The following CTNNA3 variants were observed in gnomAD, a reference collection of about 807,000 sequenced individuals.
The protein encoded by CTNNA3 is catenin alpha-3.
In CTNNA3, 76 loss-of-function variants were observed where a neutral mutation model predicts 95.7. That is an observed-to-expected ratio of 0.79 (90% CI 0.66 to 0.96). CTNNA3 has a LOEUF of 0.96. Ranked by LOEUF, CTNNA3 falls within the 40% of genes least tolerant of loss-of-function variation. The pLI, the probability that CTNNA3 is intolerant of heterozygous loss-of-function variation, is 0.00. For synonymous variants in CTNNA3, 431 were observed against 374.4 expected (o/e 1.15, Z -1.74); for missense variants, 1,191 against 1,089.8 (o/e 1.09, Z -1.31).
chr10:66,425,269 A>C, intron 11 of CTNNA3, among the ~76,000 whole-genome samples: 1 of 149,990 alleles, frequency 6.7e-6, no homozygotes, highest in Non-Finnish European at 1.5e-5. Context: ...TTTTTAATCT[A>C]ATATAATACA....
intron 9 of CTNNA3, among the ~76,000 whole-genome samples, chr10:66,760,832 C>T (rs1839571642): frequency 6.6e-6 from 1 of 152,060 alleles, no homozygotes; most frequent in African/African-American, 2.4e-5. Context: ...AGTGGGCAGT[C>T]ACACCGGTGT....
At chr10:66,450,410 T>C (rs1373594467) in intron 11 of CTNNA3, among the ~76,000 whole-genome samples, 1 of 152,124 alleles carries the variant, frequency 6.6e-6, no homozygotes, top group African/African-American at 2.4e-5. Flanking sequence ...TTGTATAATA[T>C]AGTAAGGCTT....
At chr10:66,808,634 G>A (rs185249073) in intron 7 of CTNNA3, among the ~76,000 whole-genome samples, 1 of 152,270 alleles carries the variant, frequency 6.6e-6, no homozygotes, top group East Asian at 1.9e-4. Flanking sequence ...GTTTTAAATT[G>A]TGTGATGATA....
chr10:66,996,509 G>T (rs992742513), intron 7 of CTNNA3, among the ~76,000 whole-genome samples: 4 of 151,890 alleles, frequency 2.6e-5, no homozygotes, highest in Admixed American at 6.6e-5. Context: ...CTAGCCGGGC[G>T]TGGTGGCGCG....
intron 11 of CTNNA3, among the ~76,000 whole-genome samples, chr10:66,398,769 T>C (rs564163884): frequency 2.0e-4 from 31 of 152,126 alleles, no homozygotes; most frequent in African/African-American, 7.2e-4. Flanking sequence ...CTTTTAAAAA[T>C]GCAAAGAGTG....
intron 7 of CTNNA3, among the ~76,000 whole-genome samples, chr10:67,058,333 A>T (rs73332898): frequency 0.13 from 20,401 of 152,144 alleles, 2,051 homozygotes; most frequent in African/African-American, 0.28. Context: ...TTGTCAGATA[A>T]CATATTGTTT....
intron 9 of CTNNA3, among the ~76,000 whole-genome samples, chr10:66,693,244 C>T (rs1164995420): frequency 2.0e-5 from 3 of 151,372 alleles, no homozygotes; most frequent in Non-Finnish European, 4.4e-5. Context: ...CACATAGGCT[C>T]AAAATAAAAG....
intron 13 of CTNNA3, among the ~76,000 whole-genome samples, chr10:66,119,252 G>A (rs2082468580): frequency 6.6e-6 from 1 of 152,078 alleles, no homozygotes; most frequent in Admixed American, 6.6e-5. Flanking sequence ...CCCAAGTTCT[G>A]TGTACTGTTT....
intron 11 of CTNNA3, among the ~76,000 whole-genome samples, chr10:66,466,657 G>A (rs564209775): frequency 6.6e-6 from 1 of 152,098 alleles, no homozygotes; most frequent in South Asian, 2.1e-4. Context: ...TCATTTCACT[G>A]AGGTCTCTGT....
At chr10:66,885,351 G>C (rs937206105) in intron 7 of CTNNA3, among the ~76,000 whole-genome samples, 1 of 152,126 alleles carries the variant, frequency 6.6e-6, no homozygotes, top group Non-Finnish European at 1.5e-5. Context: ...GTGAGGCTAA[G>C]AGTTATATGT....
chr10:66,900,015 T>C (rs1479578581), intron 7 of CTNNA3, among the ~76,000 whole-genome samples: 1 of 152,096 alleles, frequency 6.6e-6, no homozygotes. Context: ...AGCACAGTGT[T>C]TGAGCTCTGA....
At chr10:67,284,219 A>G (rs1188679914) in intron 5 of CTNNA3, among the ~76,000 whole-genome samples, 1 of 152,162 alleles carries the variant, frequency 6.6e-6, no homozygotes, top group Non-Finnish European at 1.5e-5. Context: ...TGAAAAAGTT[A>G]TTTTGACCAT....
At chr10:66,401,534 C>CACACACACACACAG (rs2093021335) in intron 11 of CTNNA3, among the ~76,000 whole-genome samples, 2 of 150,926 alleles carry the variant, frequency 1.3e-5, no homozygotes, top group Non-Finnish European at 3.0e-5. Flanking sequence ...CACACACACA[C>CACACACACACACAG]ACACACACAC....
At chr10:66,056,700 T>C (rs1589302903) in intron 15 of CTNNA3, among the ~76,000 whole-genome samples, 1 of 152,220 alleles carries the variant, frequency 6.6e-6, no homozygotes, top group Non-Finnish European at 1.5e-5. Flanking sequence ...AATATCTCAA[T>C]ACTTGTTATT....
intron 13 of CTNNA3, among the ~76,000 whole-genome samples, chr10:66,192,374 T>C (rs1049867285): frequency 6.6e-6 from 1 of 152,168 alleles, no homozygotes; most frequent in African/African-American, 2.4e-5. Flanking sequence ...CAGCAAATAT[T>C]TGAGTGCTAC....
chr10:66,113,220 G>A (rs2133786044), intron 13 of CTNNA3, among the ~76,000 whole-genome samples: 1 of 151,970 alleles, frequency 6.6e-6, no homozygotes, highest in South Asian at 2.1e-4. Flanking sequence ...ATGATGATTA[G>A]TGGTACTCTG....
At chr10:67,471,182 C>T (rs1847809055) in intron 5 of CTNNA3, among the ~76,000 whole-genome samples, 1 of 152,090 alleles carries the variant, frequency 6.6e-6, no homozygotes, top group African/African-American at 2.4e-5. Context: ...TTTTGCATTG[C>T]AAGATGTTCT....
At chr10:66,009,687 C>G (rs897168021) in intron 15 of CTNNA3, among the ~76,000 whole-genome samples, 1 of 152,146 alleles carries the variant, frequency 6.6e-6, no homozygotes, top group Non-Finnish European at 1.5e-5. Flanking sequence ...CTCAACATAT[C>G]TCTCATCTTA....
intron 1 of CTNNA3, among the ~76,000 whole-genome samples, chr10:67,681,901 T>C (rs1840631901): frequency 6.6e-6 from 1 of 152,096 alleles, no homozygotes; most frequent in Non-Finnish European, 1.5e-5. Context: ...CTCATGCCTG[T>C]AATCCCAGCA....
Sources: allele counts gnomAD v4.1 joint callset (sites outside exome capture counted in the v4.1 genomes callset), GRCh38; gene constraint gnomAD v4.1.1; transcripts MANE v1.5; gene names NCBI Gene and HGNC (gene_info 2026-07-23, HGNC 2026-07-21).